Variants in DNAH10 observed in about 807,000 individuals in gnomAD.
DNAH10 encodes dynein axonemal heavy chain 10.
DNAH10 carries 348 observed loss-of-function variants against 506.6 expected under a neutral mutation model. That is an observed-to-expected ratio of 0.69 (90% confidence interval 0.63 to 0.75). The LOEUF is 0.75. Ranked by LOEUF, DNAH10 falls within the 30% of genes least tolerant of loss-of-function variation. The pLI is 0.00. For synonymous variants in DNAH10, 2,059 were observed against 2,198.6 expected (o/e 0.94, Z 1.78); for missense variants, 5,179 against 5,787.1 (o/e 0.89, Z 3.41).
intron 50 of DNAH10, among the ~76,000 whole-genome samples, 161 bp downstream of exon 50, chr12:123,879,962 C>T (rs375053660): frequency 6.6e-6 from 1 of 152,140 alleles, no homozygotes; most frequent in African/African-American, 2.4e-5. Flanking sequence ...CCACATCCAG[C>T]ATGCTTGGGA....
Position 123,845,647 on chromosome 12 carries a change from G to T in DNAH10, c.5408G>T (p.Ser1803Ile). 4 of 1,613,700 alleles carry T rather than the reference G, an allele frequency of 2.5e-6. No individual in the cohort carries two copies. The highest frequency in any genetic ancestry group is 1.3e-5 in the African/African-American group (1 of 75,018). ...LYQGMVVLAA[S>I]QVWWTWEVED... is the part of the protein sequence containing the mutation. ...CAGGGCATGGTGGTGCTGGCCGCTA[G>T]CCAGGTGTGGTGGACCTGGGAGGTG... Residue 1803 changes from serine (S) to isoleucine (I), a missense_variant, in exon 31 of 79, where the codon AGC becomes ATC. Ser to Ile is a moderately radical substitution (Grantham distance 142). Coordinates refer to ENST00000673944, the MANE Select transcript of DNAH10 (RefSeq NM_001372106.1).
At position 123,896,148 on chromosome 12, in the gene DNAH10, C is replaced by CACACACACACACACAGAG. The variant is rs1383690518; in HGVS notation, c.9280+1426_9280+1427insCACACACACACACAGAGA. Among the ~76,000 whole-genome samples the CACACACACACACACAGAG allele has an allele frequency of 1.4e-4, 13 of 95,312 alleles. 1 individual carries two copies. The highest frequency in any genetic ancestry group is 2.1e-4 in the Non-Finnish European group (11 of 51,318). The allele number at this position is 95,312 out of a possible 152,430, so 62.5% of individuals were successfully genotyped here. ...ACACACACACACACACACACACACA[C>CACACACACACACACAGAG]AGAGAGAGAGAGAGAGAGAGAGAGA... On this transcript the variant is annotated intron_variant, in intron 54 of 78. Coordinates refer to ENST00000673944, the MANE Select transcript of DNAH10 (RefSeq NM_001372106.1).
In DNAH10 at chr12:123,799,330, C is replaced by T; in HGVS notation, c.2248C>T (p.Gln750Ter). 1.2e-6 allele frequency: 2 copies of T among 1,612,636 alleles called. No individual in the cohort carries two copies. Among genetic ancestry groups the T allele is most frequent in the South Asian group, 1.1e-5 (1 of 90,902 alleles). Residue 750 changes from glutamine to a stop codon, truncating the protein, a stop_gained, in exon 14 of 79, where the codon CAG becomes TAG. Transcript: ENST00000673944. LOFTEE classifies it high-confidence loss of function. ...TGAGCAGTGGATGGAGGTGACGGAG[C>T]AGGTGCTGCCAGCTCTCATGAAGAA... ...KYEQWMEVTE[Q>*]VLPALMKKSL...
chr12:123,854,217 T>C (rs1231988034), intron 36 of DNAH10, among the ~76,000 whole-genome samples: 3 of 152,114 alleles, frequency 2.0e-5, no homozygotes, highest in African/African-American at 7.2e-5. Context: ...AAAGGAGTTA[T>C]ATGGAAACTT....
chr12:123,792,634 G>C (rs1297316820), intron 11 of DNAH10, among the ~76,000 whole-genome samples: 1 of 151,770 alleles, frequency 6.6e-6, no homozygotes, highest in Non-Finnish European at 1.5e-5. Context: ...TAATTTTTGT[G>C]TTTTTTAGTA....
rs369164080 is a variant in DNAH10, at chr12:123,928,345, T to C, written c.12106-42T>C. The stretch of plus-strand genomic sequence containing the variant: ...GTCTCTGGAGAGCACGGGGTTGGGT[T>C]TGGATGCCAACCCCTCTCCTCTTCC... On this transcript the variant is annotated intron_variant, in intron 69 of 78. Transcript: ENST00000673944. The surrounding 1 kb of genome is among the most constrained non-coding windows in gnomAD (Gnocchi z 4.9). The C allele has an allele frequency of 2.4e-5, 37 of 1,549,040 alleles. No individual in the cohort carries two copies. Among genetic ancestry groups the C allele is most frequent in the African/African-American group, 4.1e-5 (3 of 73,160 alleles).
At chr12:123,774,340 T>C (rs7131750) in intron 5 of DNAH10, 76 bp downstream of exon 5, 621,712 of 1,127,168 alleles carry the variant, frequency 0.55, 180,806 homozygotes, top group East Asian at 0.95. Context: ...CACAAATAGG[T>C]AGCGGGCAGC....
At chr12:123,858,242 A>G (rs557448111) in intron 37 of DNAH10, among the ~76,000 whole-genome samples, 111 of 152,196 alleles carry the variant, frequency 7.3e-4, no homozygotes, top group African/African-American at 2.2e-3. Context: ...TGTAAGTTGT[A>G]TATGTTGTCA....
chr12:123,908,083 T>TCTGTCTCCTCCCTGTCTCC (rs1245510806), intron 57 of DNAH10, among the ~76,000 whole-genome samples: 14 of 103,366 alleles, frequency 1.4e-4, no homozygotes, highest in East Asian at 2.8e-4. Flanking sequence ...TCCCTGTCTC[T>TCTGTCTCCTCCCTGTCTCC]CTGTCTCCTC....
At chr12:123,900,266 T>C (rs1215019986) in intron 56 of DNAH10, among the ~76,000 whole-genome samples, 1 of 152,170 alleles carries the variant, frequency 6.6e-6, no homozygotes, top group African/African-American at 2.4e-5. Flanking sequence ...AAACTATATA[T>C]TCCTGGCCCC....
chr12:123,932,014 C>G lies in DNAH10; in HGVS notation c.13202C>G (p.Pro4401Arg). 6.2e-7 allele frequency: 1 copy of G among 1,614,014 alleles called. No homozygotes were observed. The highest frequency in any genetic ancestry group is 8.5e-7 in the Non-Finnish European group (1 of 1,179,900). Residue 4401 changes from proline (P) to arginine (R), a missense_variant, in exon 76 of 79, where the codon CCT becomes CGT. By Grantham distance (103) the Pro-to-Arg change is moderately radical. Coordinates refer to ENST00000673944, the MANE Select transcript of DNAH10 (RefSeq NM_001372106.1). Reference sequence around the variant, plus strand: ...AGGTCTCTTTTTATCGGGCATATCCCTAATATCTGGAGAAGGCTTGCTCCT... The same window carrying G: ...AGGTCTCTTTTTATCGGGCATATCCGTAATATCTGGAGAAGGCTTGCTCCT... ...VARSLFIGHI[P>R]NIWRRLAPDT...
intron 37 of DNAH10, among the ~76,000 whole-genome samples, chr12:123,858,390 G>A (rs1030466961): frequency 6.6e-6 from 1 of 152,272 alleles, no homozygotes; most frequent in African/African-American, 2.4e-5. Context: ...TGGGCAGTGG[G>A]CACCGGGTAC....
At position 123,929,419 on chromosome 12, in the gene DNAH10, G is replaced by C. The variant is rs572076819; in HGVS notation, c.12451G>C (p.Glu4151Gln). 1 of 1,613,738 alleles carries C rather than the reference G, an allele frequency of 6.2e-7. No individual in the cohort carries two copies. Among genetic ancestry groups the C allele is most frequent in the South Asian group, 1.1e-5 (1 of 90,940 alleles). ...GGCGTTCTTTCATGCTGTGGTGCAG[G>C]AGAGAAGGAAGTTTGGGAAGATTGG... ...VLAFFHAVVQ[E>Q]RRKFGKIGWN... The change falls in exon 71 of 79, where the codon GAG becomes CAG. Residue 4151 changes from glutamate (E) to glutamine (Q), a missense_variant. Physicochemically the swap from Glu to Gln is conservative, Grantham distance 29 (BLOSUM62 2). Transcript: ENST00000673944.
chr12:123,896,148 C>CATAGAGAGAGAG (rs1383690518), intron 54 of DNAH10, among the ~76,000 whole-genome samples: 1 of 95,272 alleles, frequency 1.0e-5, no homozygotes, highest in Non-Finnish European at 1.9e-5. Context: ...CACACACACA[C>CATAGAGAGAGAG]AGAGAGAGAG....
rs1035783085 is a variant in DNAH10 at position 123,868,008 on chromosome 12, G to C, written c.7408G>C (p.Ala2470Pro). 1.2e-6 allele frequency: 2 copies of C among 1,613,960 alleles called. No individual in the cohort carries two copies. Among genetic ancestry groups the C allele is most frequent in the East Asian group, 4.5e-5 (2 of 44,868 alleles). ...GGAGGCTTTGTACTGCTCTCTGGGA[G>C]CCTCCCTGCTTGAGGATGGAAGGAT... ...FLEALYCSLG[A>P]SLLEDGRMKF... The change falls in exon 43 of 79, where the codon GCC becomes CCC. Residue 2470 changes from alanine to proline, a missense_variant. Transcript: ENST00000673944.
chr12:123,818,854 A>T, intron 21 of DNAH10, 96 bp from the exon 22 acceptor site: 1 of 809,430 alleles, frequency 1.2e-6, no homozygotes, highest in Non-Finnish European at 2.0e-6. Flanking sequence ...CTGTTGCCAC[A>T]AGCAGAAGTC....
At chr12:123,900,235 T>G (rs1391085917) in intron 56 of DNAH10, among the ~76,000 whole-genome samples, 1 of 152,196 alleles carries the variant, frequency 6.6e-6, no homozygotes, top group Admixed American at 6.5e-5. Context: ...AACTATATAT[T>G]TCTGGCCCCC....
chr12:123,926,787 C>G lies in DNAH10; in HGVS notation c.12072C>G (p.Leu4024=), dbSNP rs967569538. The G allele has an allele frequency of 6.2e-7, 1 of 1,613,834 alleles. No individual in the cohort carries two copies. The highest frequency in any genetic ancestry group is 1.1e-5 in the South Asian group (1 of 91,082). ...GAAGTGGTTTTGGAGGAAATCGCCT[C>G]AAATTCCTTGCAATGGGTCAAGGTC... ...AERSGFGGNR[L]KFLAMGQGQE... The change falls in exon 69 of 79, where the codon CTC becomes CTG. Residue 4024 remains leucine, a synonymous_variant. Coordinates refer to ENST00000673944, the MANE Select transcript of DNAH10 (RefSeq NM_001372106.1). The surrounding 1 kb of genome is among the most constrained non-coding windows in gnomAD (Gnocchi z 4.1).
chr12:123,812,055 C>T (rs1264071688), intron 19 of DNAH10, among the ~76,000 whole-genome samples: 3 of 152,208 alleles, frequency 2.0e-5, no homozygotes, highest in Admixed American at 2.0e-4. Context: ...TTTGCACCAA[C>T]CTATAGTAGT....
Sources: allele counts gnomAD v4.1 joint callset (sites outside exome capture counted in the v4.1 genomes callset), GRCh38; gene constraint gnomAD v4.1.1; non-coding constraint Gnocchi (gnomAD v3.1); transcripts MANE v1.5; gene names NCBI Gene and HGNC (gene_info 2026-07-23, HGNC 2026-07-21).